THAP12: variants seen among roughly 807,000 people sequenced by gnomAD.
THAP12 encodes THAP domain containing 12.
In THAP12, 20 loss-of-function variants were observed where a neutral mutation model predicts 63.0. That is an observed-to-expected ratio of 0.32 (90% CI 0.22 to 0.46). The LOEUF is 0.46. Ranked by LOEUF, THAP12 falls within the 20% of genes least tolerant of loss-of-function variation. The probability of loss-of-function intolerance (pLI) is 1.00; values close to 1 mark genes in which losing one functional copy is unlikely to be tolerated. For synonymous variants in THAP12, 264 were observed against 328.4 expected (o/e 0.80, Z 2.12); for missense variants, 568 against 908.2 (o/e 0.63, Z 4.81).
At chr11:76,352,832 G>GA in intron 4 of THAP12, 38 bp from the exon 5 acceptor site, 1 of 1,499,512 alleles carries the variant, frequency 6.7e-7, no homozygotes, top group South Asian at 1.4e-5. Flanking sequence ...ACAGGCTCAT[G>GA]AAAAACCATA....
At chr11:76,360,352 C>T (rs1262280103) in intron 3 of THAP12, among the ~76,000 whole-genome samples, 6 of 152,066 alleles carry the variant, frequency 3.9e-5, no homozygotes, top group Non-Finnish European at 5.9e-5. Context: ...AAGGGCCTTG[C>T]TAGTGGCAAT....
chr11:76,365,840 T>C lies in THAP12; in HGVS notation c.210+12A>G. Reference sequence around the variant, plus strand: ...GTCAAACAGAGAGACACCAAGCTCTTCTATTACTCACAGTTCTACAGATCA... The same window carrying C: ...GTCAAACAGAGAGACACCAAGCTCTCCTATTACTCACAGTTCTACAGATCA... On this transcript the variant is annotated intron_variant, in intron 2 of 4. Transcript: ENST00000260045. 6.2e-7 allele frequency: 1 copy of C among 1,609,558 alleles called. No homozygotes were observed. Among genetic ancestry groups the C allele is most frequent in the South Asian group, 1.1e-5 (1 of 90,364 alleles).
chr11:76,363,274 T>A (rs1946609813), intron 2 of THAP12, among the ~76,000 whole-genome samples: 1 of 152,198 alleles, frequency 6.6e-6, no homozygotes, highest in Non-Finnish European at 1.5e-5. Context: ...TGAATTAAGG[T>A]TTGAGCATAA....
At position 76,354,770 on chromosome 11, in the gene THAP12, A is replaced by G. The variant is rs534173948; in HGVS notation, c.355+848T>C. On this transcript the variant is annotated intron_variant, in intron 4 of 4. Transcript: ENST00000260045. Reference sequence around the variant, plus strand: ...AGTGGTTCCCTATTGCTAATAGCCCACAAGTCTGCAAGTTCTGGCCTCTGG... The same window carrying G: ...AGTGGTTCCCTATTGCTAATAGCCCGCAAGTCTGCAAGTTCTGGCCTCTGG... Among the ~76,000 whole-genome samples, 129 of 152,258 alleles carry G rather than the reference A, an allele frequency of 8.5e-4. 3 individuals are homozygous for G. In the South Asian group the frequency reaches 0.026, roughly 31 times the overall value.
chr11:76,359,869 A>G (rs187617411), intron 3 of THAP12, among the ~76,000 whole-genome samples: 94 of 152,204 alleles, frequency 6.2e-4, no homozygotes, highest in Non-Finnish European at 1.1e-3. Flanking sequence ...AGGTCCACAA[A>G]TAGTTAAGAA....
At chr11:76,376,460 C>G (rs1383213873) in intron 1 of THAP12, among the ~76,000 whole-genome samples, 1 of 152,126 alleles carries the variant, frequency 6.6e-6, no homozygotes, top group Non-Finnish European at 1.5e-5. Flanking sequence ...GAAACAACAG[C>G]CAAAGCGTCC....
At chr11:76,372,589 TA>T (rs57050881) in intron 1 of THAP12, among the ~76,000 whole-genome samples, 2,703 of 116,700 alleles carry the variant, frequency 0.023, 47 homozygotes, top group African/African-American at 0.066. Flanking sequence ...CTGTTACATT[TA>T]AAAAAAAAAA....
At chr11:76,360,743 T>C (rs921407834) in intron 3 of THAP12, among the ~76,000 whole-genome samples, 2 of 152,216 alleles carry the variant, frequency 1.3e-5, no homozygotes, top group Non-Finnish European at 1.5e-5. Flanking sequence ...AGTCAACAAG[T>C]ATCAACTGGC....
At chr11:76,355,838 TGTTAATGACTCCAAG>T (rs1946557524) in intron 3 of THAP12, 184 bp from the exon 4 acceptor site, 1 of 472,702 alleles carries the variant, frequency 2.1e-6, no homozygotes, top group Admixed American at 4.1e-5. Flanking sequence ...CAGAATAAGC[TGTTAATGACTCCAAG>T]GTTATAACAA....
chr11:76,358,439 C>T (rs563100401), intron 3 of THAP12: 78 of 152,076 alleles, frequency 5.1e-4, no homozygotes, highest in African/African-American at 1.9e-3. Context: ...TTACTTATTG[C>T]ATTAAAGAAT....
At chr11:76,358,424 T>C (rs920030690) in intron 3 of THAP12, 2 of 152,298 alleles carry the variant, frequency 1.3e-5, no homozygotes, top group South Asian at 4.1e-4. Flanking sequence ...GAAAATCCAT[T>C]AGTATTACTT....
rs1335406324 is a variant in THAP12, at chr11:76,352,391, T to C, written c.759A>G (p.Glu253=). 6.2e-7 allele frequency: 1 copy of C among 1,611,892 alleles called. No homozygotes were observed. Among genetic ancestry groups the C allele is most frequent in the Non-Finnish European group, 8.5e-7 (1 of 1,179,826 alleles). The stretch of plus-strand genomic sequence containing the variant: ...TGGAAAAGAAGTGTGAGTCTCTCAC[T>C]TCCCTGAGAGTTTCTTCTCGAATAC... The part of the protein sequence containing the change: ...ESCIREETLR[E]VRDSHFFSII... The change falls in exon 5 of 5, where the codon GAA becomes GAG. Residue 253 remains glutamate (E), a synonymous_variant. Coordinates refer to ENST00000260045, the MANE Select transcript of THAP12 (RefSeq NM_004705.4).
intron 1 of THAP12, among the ~76,000 whole-genome samples, chr11:76,374,677 C>T (rs1296688664): frequency 2.0e-5 from 3 of 152,212 alleles, no homozygotes; most frequent in African/African-American, 7.2e-5. Context: ...AAAAATTCCA[C>T]TGTCCACTCC....
intron 3 of THAP12, chr11:76,356,123 T>C (rs1946559585): frequency 6.4e-6 from 1 of 155,208 alleles, no homozygotes; most frequent in African/African-American, 2.4e-5. Flanking sequence ...AGTACCAGCA[T>C]GGAAGAGATA....
intron 4 of THAP12, among the ~76,000 whole-genome samples, chr11:76,353,748 C>T (rs536905660): frequency 1.6e-4 from 25 of 152,338 alleles, no homozygotes; most frequent in African/African-American, 3.4e-4. Flanking sequence ...CAGTGGCTTA[C>T]GCCTGTAATC....
At chr11:76,371,012 C>T (rs1946670735) in intron 1 of THAP12, among the ~76,000 whole-genome samples, 1 of 152,048 alleles carries the variant, frequency 6.6e-6, no homozygotes, top group African/African-American at 2.4e-5. Context: ...GTTCCCTGTA[C>T]TCCAGATTTT....
chr11:76,358,443 A>G (rs1185138372), intron 3 of THAP12: 7 of 152,226 alleles, frequency 4.6e-5, no homozygotes. Flanking sequence ...TTATTGCATT[A>G]AAGAATGAAA....
At position 76,361,114 on chromosome 11, in the gene THAP12, C is replaced by T. The variant is rs181316454; in HGVS notation, c.211-51G>A. ...AGAGATGGTCCTTATAAATATATTA[C>T]ACATCAATAAAATTCTATGTTAATG... is the stretch of plus-strand genomic sequence containing the variant. On this transcript the variant is annotated intron_variant, in intron 2 of 4. Coordinates refer to ENST00000260045, the MANE Select transcript of THAP12 (RefSeq NM_004705.4). 1.4e-3 allele frequency: 1,597 copies of T among 1,179,294 alleles called. 3 individuals are homozygous for T. The highest frequency in any genetic ancestry group is 1.9e-3 in the Non-Finnish European group (1,483 of 797,366). The allele number at this position is 1,179,294 out of a possible 1,614,324, so 73.1% of individuals were successfully genotyped here.
rs939051588 is a variant in THAP12, at chr11:76,367,595, G to A, written c.90-1623C>T. Among the ~76,000 whole-genome samples the A allele has an allele frequency of 2.0e-5, 3 of 151,758 alleles. No individual in the cohort carries two copies. The East Asian group carries it at 5.8e-4, about 29-fold the overall frequency. ...GCACCACGACACTCAGCTAAGTTTT[G>A]TATTTATAGTACAGATGGGGTTTCA... On this transcript the variant is annotated intron_variant, in intron 1 of 4. Transcript: ENST00000260045.
Sources: gnomAD v4.1 joint callset for allele counts (sites outside exome capture counted in the v4.1 genomes callset) on GRCh38, gnomAD v4.1.1 for gene constraint, MANE v1.5 for transcripts, NCBI Gene and HGNC (gene_info 2026-07-23, HGNC 2026-07-21) for gene names.